Variants in GALNT14 observed in about 807,000 individuals in gnomAD.
GALNT14 encodes UDP-GalNAc:polypeptide N-acetylgalactosaminyltransferase 14.
Under a neutral mutation model 77.5 loss-of-function variants are expected in GALNT14, and 60 were observed. That is an observed-to-expected ratio of 0.77 (90% confidence interval 0.63 to 0.96). GALNT14 has a LOEUF of 0.96. Among genes scored for constraint, GALNT14 ranks in the 40% least tolerant of loss-of-function variants. The probability of loss-of-function intolerance (pLI) is 0.00; values close to 1 mark genes in which losing one functional copy is unlikely to be tolerated. For synonymous variants in GALNT14, 280 were observed against 281.7 expected (o/e 0.99, Z 0.06); for missense variants, 710 against 731.0 (o/e 0.97, Z 0.33).
intron 1 of GALNT14, among the ~76,000 whole-genome samples, chr2:31,000,530 T>C (rs558777337): frequency 6.6e-6 from 1 of 151,494 alleles, no homozygotes; most frequent in East Asian, 2.0e-4. Flanking sequence ...TTCTAGGAAA[T>C]TGGCTCATGT....
chr2:31,041,718 G>C (rs140870801), intron 1 of GALNT14, among the ~76,000 whole-genome samples: 2 of 152,258 alleles, frequency 1.3e-5, no homozygotes, highest in East Asian at 3.9e-4. Flanking sequence ...GGGTTTCCTT[G>C]AATTGCTGAA....
chr2:31,020,618 T>G (rs1671657992), intron 1 of GALNT14, among the ~76,000 whole-genome samples: 1 of 152,206 alleles, frequency 6.6e-6, no homozygotes, highest in African/African-American at 2.4e-5. Context: ...ATGCTTGGCC[T>G]GGGAATGGCC....
In GALNT14 at chr2:31,067,183, A is replaced by G. The variant is rs188052817; in HGVS notation, c.129+70775T>C. ...TGGCCTTGGTCCCCTTATTTGTCAC[A>G]TAGGCAAGGGCAGGGGGCCAAACAG... On this transcript the variant is annotated intron_variant, in intron 1 of 14. Coordinates refer to ENST00000349752, the MANE Select transcript of GALNT14 (RefSeq NM_024572.4). Among the ~76,000 whole-genome samples, 99 of 152,258 alleles carry G rather than the reference A, an allele frequency of 6.5e-4. No homozygotes were observed. In the East Asian group the frequency reaches 0.018, roughly 28 times the overall value.
chr2:31,057,579 G>A (rs1234641992), intron 1 of GALNT14, among the ~76,000 whole-genome samples: 8 of 151,862 alleles, frequency 5.3e-5, no homozygotes, highest in South Asian at 2.1e-4. Flanking sequence ...ACAGTCACCC[G>A]GAGGAACAAT....
chr2:31,130,734 C>CTGTGTGTGTGTGTGTGTGTGTG (rs4020220), intron 1 of GALNT14, among the ~76,000 whole-genome samples: 15 of 117,536 alleles, frequency 1.3e-4, no homozygotes, highest in East Asian at 5.2e-4. Context: ...CAGGGTACCT[C>CTGTGTGTGTGTGTGTGTGTGTG]TGTGTGTGTG....
the GALNT14 span, among the ~76,000 whole-genome samples, chr2:30,899,636 T>C: frequency 4.6e-5 from 7 of 152,078 alleles, no homozygotes; most frequent in Non-Finnish European, 7.4e-5. Flanking sequence ...TTATTTCCCA[T>C]TGGAAAGCTG....
At chr2:30,931,564 AGGCCCT>A (rs1263122815) in intron 10 of GALNT14, among the ~76,000 whole-genome samples, 1 of 152,034 alleles carries the variant, frequency 6.6e-6, no homozygotes, top group Non-Finnish European at 1.5e-5. Context: ...CCAGGGTCTC[AGGCCCT>A]GCCCCAGCCT....
chr2:30,904,536 C>G, the GALNT14 span, among the ~76,000 whole-genome samples: 1 of 152,230 alleles, frequency 6.6e-6, no homozygotes. Flanking sequence ...GAGATTATAT[C>G]CCACACCTGG....
Position 31,038,086 on chromosome 2 carries a change from T to TATATA in GALNT14, c.130-45080_130-45079insTATAT, listed in dbSNP as rs1558514656. Reference sequence around the variant, plus strand: ...TTGCCATATATATATATATATATATTTTTTTTTTTTTTTTTTTTTTTTTTT... The same window carrying TATATA: ...TTGCCATATATATATATATATATATTATATATTTTTTTTTTTTTTTTTTTTTTTTT... On this transcript the variant is annotated intron_variant, in intron 1 of 14. Transcript: ENST00000349752. Among the ~76,000 whole-genome samples the TATATA allele has an allele frequency of 2.9e-3, 105 of 35,846 alleles. 4 individuals carry two copies. The highest frequency in any genetic ancestry group is 0.016 in the African/African-American group (90 of 5,748). The allele number at this position is 35,846 out of a possible 152,430, so 23.5% of individuals were successfully genotyped here.
At chr2:30,996,361 C>T (rs1037487805) in intron 1 of GALNT14, among the ~76,000 whole-genome samples, 5 of 152,246 alleles carry the variant, frequency 3.3e-5, no homozygotes, top group Non-Finnish European at 5.9e-5. Flanking sequence ...ATGGAGAAAA[C>T]GTCTCTGGCC....
intron 2 of GALNT14, 60 bp from the exon 3 acceptor site, chr2:30,966,362 C>A (rs1668007985): frequency 1.5e-6 from 2 of 1,316,798 alleles, no homozygotes. Context: ...ATCTGGAGGG[C>A]TAGAACCGAG....
chr2:30,911,984 T>G (rs1054748456), intron 14 of GALNT14, among the ~76,000 whole-genome samples: 7 of 152,140 alleles, frequency 4.6e-5, no homozygotes, highest in African/African-American at 1.7e-4. Flanking sequence ...GGGCATGGTG[T>G]GGTCAGTGGA....
chr2:31,111,910 C>T (rs1387690201), intron 1 of GALNT14, among the ~76,000 whole-genome samples: 1 of 151,430 alleles, frequency 6.6e-6, no homozygotes, highest in Non-Finnish European at 1.5e-5. Flanking sequence ...ATCAGAAGTA[C>T]GGTCACCAAC....
intron 1 of GALNT14, among the ~76,000 whole-genome samples, chr2:31,039,595 A>C (rs914154445): frequency 1.3e-5 from 2 of 152,144 alleles, no homozygotes; most frequent in Non-Finnish European, 2.9e-5. Flanking sequence ...GCTCTTCCTC[A>C]TATGTTCCCT....
chr2:31,080,958 C>T (rs1676120480), intron 1 of GALNT14, among the ~76,000 whole-genome samples: 1 of 152,162 alleles, frequency 6.6e-6, no homozygotes, highest in South Asian at 2.1e-4. Context: ...GAAACATGCT[C>T]AGAAAGGATG....
At chr2:30,920,636 C>CAG (rs1051205377) in intron 13 of GALNT14, among the ~76,000 whole-genome samples, 1 of 146,410 alleles carries the variant, frequency 6.8e-6, no homozygotes, top group Admixed American at 6.7e-5. Context: ...ATGCTACACA[C>CAG]ACACACACAC....
chr2:31,112,893 C>A (rs934154209), intron 1 of GALNT14, among the ~76,000 whole-genome samples: 1 of 152,126 alleles, frequency 6.6e-6, no homozygotes, highest in African/African-American at 2.4e-5. Flanking sequence ...CTAGAAGTCC[C>A]CAAGTGATCC....
chr2:30,964,366 G>A (rs1667872601), intron 3 of GALNT14, among the ~76,000 whole-genome samples: 1 of 152,150 alleles, frequency 6.6e-6, no homozygotes, highest in African/African-American at 2.4e-5. Context: ...CTCCCTGTGT[G>A]TCCTCTCAGC....
the GALNT14 span, among the ~76,000 whole-genome samples, chr2:30,895,591 T>C: frequency 6.6e-6 from 1 of 152,130 alleles, no homozygotes; most frequent in Non-Finnish European, 1.5e-5. Context: ...TACTCAAAGG[T>C]AGTGTGGGGA....
Sources: gnomAD v4.1 joint callset for allele counts (sites outside exome capture counted in the v4.1 genomes callset) on GRCh38, gnomAD v4.1.1 for gene constraint, MANE v1.5 for transcripts, NCBI Gene and HGNC (gene_info 2026-07-23, HGNC 2026-07-21) for gene names.